Variants in CALCR observed in about 807,000 individuals in gnomAD.
CALCR encodes calcitonin receptor.
CALCR carries 47 observed loss-of-function variants against 59.5 expected under a neutral mutation model. That is an observed-to-expected ratio of 0.79 (90% CI 0.63 to 1.01). CALCR has a LOEUF of 1.01. CALCR is among the 50% of genes least tolerant of loss of function. The pLI, the probability that CALCR is intolerant of heterozygous loss-of-function variation, is 0.00. For missense variants in CALCR, 566 were observed against 597.1 expected, an observed-to-expected ratio of 0.95 and a Z score of 0.54; for synonymous variants, 213 against 211.3, an observed-to-expected ratio of 1.01 and a Z score of -0.07.
intron 2 of CALCR, among the ~76,000 whole-genome samples, chr7:93,538,192 T>C (rs946521522): frequency 6.6e-6 from 1 of 152,124 alleles, no homozygotes; most frequent in African/African-American, 2.4e-5. Flanking sequence ...TTTGTGGTTA[T>C]TACAATAACA....
At chr7:93,514,887 G>A (rs1324338628) in intron 2 of CALCR, among the ~76,000 whole-genome samples, 1 of 151,906 alleles carries the variant, frequency 6.6e-6, no homozygotes, top group Admixed American at 6.6e-5. Flanking sequence ...AGTGAATCTA[G>A]GTTATTTAGA....
At chr7:93,551,568 T>A (rs1487408612) in intron 2 of CALCR, among the ~76,000 whole-genome samples, 15 of 152,106 alleles carry the variant, frequency 9.9e-5, no homozygotes, top group Admixed American at 9.2e-4. Context: ...AGGCACCAGG[T>A]CAAAAGTGAC....
At chr7:93,550,211 C>T (rs1282409788) in intron 2 of CALCR, among the ~76,000 whole-genome samples, 2 of 151,892 alleles carry the variant, frequency 1.3e-5, no homozygotes, top group East Asian at 3.9e-4. Context: ...CAATTTAGGC[C>T]AGGTGTGGTG....
intron 13 of CALCR, among the ~76,000 whole-genome samples, chr7:93,429,915 T>G (rs1353993271): frequency 6.3e-5 from 5 of 79,594 alleles, no homozygotes; most frequent in East Asian, 1.8e-3. Context: ...CTTTAGACGG[T>G]TTTTTTTTTT....
chr7:93,534,185 T>C (rs970723439), intron 2 of CALCR, among the ~76,000 whole-genome samples: 2 of 151,838 alleles, frequency 1.3e-5, no homozygotes, highest in African/African-American at 4.8e-5. Context: ...TTGACAACGA[T>C]TACATAACAG....
Position 93,566,758 on chromosome 7 carries a change from T to C in CALCR, c.-27+7531A>G, listed in dbSNP as rs374702961. Among the ~76,000 whole-genome samples, 14 of 152,252 alleles carry C rather than the reference T, an allele frequency of 9.2e-5. No homozygotes were observed. The South Asian group carries it at 2.7e-3, about 29-fold the overall frequency. ...GAGTATCATTGTATCCTGCACACAG[T>C]AAGGGCTCAATGAATAGTAGCTGTT... On this transcript the variant is annotated intron_variant, in intron 2 of 13. Coordinates refer to ENST00000426151, the MANE Select transcript of CALCR (RefSeq NM_001742.4).
intron 2 of CALCR, among the ~76,000 whole-genome samples, chr7:93,528,809 T>A (rs78105635): frequency 0.033 from 5,037 of 152,234 alleles, 291 homozygotes; most frequent in African/African-American, 0.12. Context: ...ACAAGATACT[T>A]GGCCTGATTA....
At chr7:93,548,611 T>C (rs1789359575) in intron 2 of CALCR, among the ~76,000 whole-genome samples, 1 of 151,954 alleles carries the variant, frequency 6.6e-6, no homozygotes, top group Non-Finnish European at 1.5e-5. Context: ...AGTTGTGTAC[T>C]TCTTGCAAAA....
At chr7:93,519,517 A>C (rs1801715137) in intron 2 of CALCR, among the ~76,000 whole-genome samples, 1 of 152,076 alleles carries the variant, frequency 6.6e-6, no homozygotes, top group Non-Finnish European at 1.5e-5. Context: ...AATACATATA[A>C]AATATTTGGC....
At chr7:93,539,804 G>A (rs2116173085) in intron 2 of CALCR, among the ~76,000 whole-genome samples, 1 of 152,266 alleles carries the variant, frequency 6.6e-6, no homozygotes, top group East Asian at 1.9e-4. Context: ...TCCCTCTGAT[G>A]CAATTCTAGA....
intron 2 of CALCR, among the ~76,000 whole-genome samples, chr7:93,539,453 C>T (rs1289860504): frequency 6.6e-6 from 1 of 151,698 alleles, no homozygotes; most frequent in Non-Finnish European, 1.5e-5. Flanking sequence ...TACTGAGAAA[C>T]GTAAATCATT....
intron 8 of CALCR, among the ~76,000 whole-genome samples, chr7:93,457,297 G>A (rs1393667412): frequency 6.6e-6 from 1 of 152,132 alleles, no homozygotes; most frequent in African/African-American, 2.4e-5. Flanking sequence ...TGGGCTCCAG[G>A]ACAACCGCTG....
At chr7:93,530,060 G>T (rs1445210791) in intron 2 of CALCR, among the ~76,000 whole-genome samples, 2 of 151,844 alleles carry the variant, frequency 1.3e-5, no homozygotes, top group African/African-American at 4.8e-5. Context: ...TATACTAAAA[G>T]GTATTTTGAC....
At chr7:93,483,407 GTATA>G (rs1562991757) in intron 3 of CALCR, among the ~76,000 whole-genome samples, 3 of 131,004 alleles carry the variant, frequency 2.3e-5, no homozygotes, top group East Asian at 2.2e-4. Context: ...AGGGCTGACT[GTATA>G]GATAGATAGA....
intron 7 of CALCR, among the ~76,000 whole-genome samples, chr7:93,463,738 C>T (rs986460054): frequency 1.5e-4 from 23 of 152,004 alleles, no homozygotes; most frequent in Admixed American, 1.2e-3. Flanking sequence ...CATTAAAAAT[C>T]CTCAGTACAA....
In CALCR at chr7:93,516,868, G is replaced by A. The variant is rs371459318; in HGVS notation, c.-26-29861C>T. On this transcript the variant is annotated intron_variant, in intron 2 of 13. Coordinates refer to ENST00000426151, the MANE Select transcript of CALCR (RefSeq NM_001742.4). ...TGTTGCATCACTCTTAAATTATCGC[G>A]GGTTTTTAGGAGACCACTTTAAGAT... Among the ~76,000 whole-genome samples, 82 of 151,846 alleles carry A rather than the reference G, an allele frequency of 5.4e-4. 1 individual carries two copies. The South Asian group carries it at 8.1e-3, about 15-fold the overall frequency.
Position 93,494,594 on chromosome 7 carries a change from T to C in CALCR, c.-26-7587A>G, listed in dbSNP as rs540436457. ...TAACAAATGCCTCATGCCCAAACTA[T>C]AGTAGATCTCTGCTCACCAAGCCTG... On this transcript the variant is annotated intron_variant, in intron 2 of 13. Coordinates refer to ENST00000426151, the MANE Select transcript of CALCR (RefSeq NM_001742.4). Among the ~76,000 whole-genome samples the C allele has an allele frequency of 7.9e-5, 12 of 151,564 alleles. No individual in the cohort carries two copies. In the East Asian group the frequency reaches 2.3e-3, roughly 30 times the overall value.
At chr7:93,510,713 AG>A (rs1302672735) in intron 2 of CALCR, among the ~76,000 whole-genome samples, 3 of 151,868 alleles carry the variant, frequency 2.0e-5, no homozygotes, top group Non-Finnish European at 4.4e-5. Context: ...ACAAAATAAA[AG>A]TTTTTTAAAA....
chr7:93,542,505 G>A (rs1300191043), intron 2 of CALCR, among the ~76,000 whole-genome samples: 1 of 152,124 alleles, frequency 6.6e-6, no homozygotes, highest in African/African-American at 2.4e-5. Context: ...GGACATTACT[G>A]TACACTATGT....
Sources: allele counts gnomAD v4.1 joint callset (sites outside exome capture counted in the v4.1 genomes callset), GRCh38; gene constraint gnomAD v4.1.1; transcripts MANE v1.5; gene names NCBI Gene and HGNC (gene_info 2026-07-23, HGNC 2026-07-21).